The following ADAMTS17 variants were observed in gnomAD, a reference collection of about 807,000 sequenced individuals.
ADAMTS17 encodes ADAM metallopeptidase with thrombospondin type 1 motif 17.
ADAMTS17 carries 113 observed loss-of-function variants against 141.5 expected under a neutral mutation model. That is an observed-to-expected ratio of 0.80 (90% confidence interval 0.69 to 0.93). The LOEUF is 0.93. Ranked by LOEUF, ADAMTS17 falls within the 40% of genes least tolerant of loss-of-function variation. The probability of loss-of-function intolerance (pLI) is 0.00; values close to 1 mark genes in which losing one functional copy is unlikely to be tolerated. For synonymous variants in ADAMTS17, 768 were observed against 630.6 expected (o/e 1.22, Z -3.27); for missense variants, 1,659 against 1,517.9 (o/e 1.09, Z -1.54).
At chr15:100,216,793 A>C (rs1198529968) in intron 7 of ADAMTS17, among the ~76,000 whole-genome samples, 3 of 152,186 alleles carry the variant, frequency 2.0e-5, no homozygotes, top group Non-Finnish European at 4.4e-5. Flanking sequence ...GGGAAAGAGA[A>C]CTCTTCACAA....
intron 15 of ADAMTS17, among the ~76,000 whole-genome samples, chr15:100,085,238 G>T (rs1412318161): frequency 6.6e-6 from 1 of 152,126 alleles, no homozygotes; most frequent in African/African-American, 2.4e-5. Flanking sequence ...GGAAGAAAGG[G>T]TATCAGCGAT....
Position 100,109,007 on chromosome 15 carries a change from G to A in ADAMTS17, c.1998C>T (p.Cys666=), listed in dbSNP as rs770257592. ...TPCGPYETDL[C]VHGKCQKIGC... ...ACGTCACCTGGCACTTGCCGTGCAC[G>A]CAGAGATCAGTCTCGTAGGGCCCGC... The change falls in exon 14 of 22, where the codon TGC becomes TGT. Residue 666 remains cysteine (C), a synonymous_variant. Transcript: ENST00000268070. The A allele has an allele frequency of 9.9e-6, 16 of 1,613,922 alleles. No homozygotes were observed. Among genetic ancestry groups the A allele is most frequent in the East Asian group, 4.5e-5 (2 of 44,884 alleles).
At chr15:100,104,122 G>C (rs1437678289) in intron 14 of ADAMTS17, among the ~76,000 whole-genome samples, 3 of 152,136 alleles carry the variant, frequency 2.0e-5, no homozygotes, top group Admixed American at 6.5e-5. Context: ...GGTACATCTG[G>C]GTCTGTCCAT....
At chr15:100,139,253 G>A (rs868684484) in intron 10 of ADAMTS17, among the ~76,000 whole-genome samples, 7 of 152,144 alleles carry the variant, frequency 4.6e-5, no homozygotes, top group African/African-American at 1.4e-4. Context: ...TATCAGGGGC[G>A]ACTTAGCTCA....
chr15:100,033,967 T>C (rs1191318616), intron 18 of ADAMTS17, among the ~76,000 whole-genome samples: 1 of 152,214 alleles, frequency 6.6e-6, no homozygotes, highest in East Asian at 1.9e-4. Context: ...GGACAGCAGT[T>C]TGATTGGCAG....
At chr15:100,035,433 G>A (rs2030613106) in intron 18 of ADAMTS17, among the ~76,000 whole-genome samples, 1 of 152,192 alleles carries the variant, frequency 6.6e-6, no homozygotes, top group Non-Finnish European at 1.5e-5. Flanking sequence ...AAGGGATCCT[G>A]GCCACGACTT....
intron 13 of ADAMTS17, among the ~76,000 whole-genome samples, chr15:100,109,848 G>A (rs2036641895): frequency 6.6e-6 from 1 of 152,038 alleles, no homozygotes; most frequent in Admixed American, 6.6e-5. Flanking sequence ...TACTGCCCTG[G>A]AAGCTTCCAC....
chr15:100,020,880 G>C (rs1256694195), intron 18 of ADAMTS17, among the ~76,000 whole-genome samples: 1 of 152,156 alleles, frequency 6.6e-6, no homozygotes, highest in Admixed American at 6.5e-5. Flanking sequence ...CTTTAGTACA[G>C]ATGACAGCTT....
intron 7 of ADAMTS17, among the ~76,000 whole-genome samples, chr15:100,205,829 A>G (rs1307380840): frequency 6.6e-6 from 1 of 152,220 alleles, no homozygotes; most frequent in Admixed American, 6.5e-5. Context: ...TAGAAAGGTG[A>G]GCAGGGATGT....
intron 8 of ADAMTS17, among the ~76,000 whole-genome samples, chr15:100,193,231 A>C (rs111865548): frequency 6.6e-6 from 1 of 152,020 alleles, no homozygotes; most frequent in Non-Finnish European, 1.5e-5. Context: ...AGGTCACTTT[A>C]CGCTTTGCGC....
intron 13 of ADAMTS17, 28 bp from the exon 14 acceptor site, chr15:100,109,144 G>C (rs768831844): frequency 6.3e-7 from 1 of 1,589,708 alleles, no homozygotes; most frequent in Non-Finnish European, 8.6e-7. Flanking sequence ...GGAGGACGTT[G>C]ACACGGGAAG....
intron 18 of ADAMTS17, among the ~76,000 whole-genome samples, chr15:100,040,410 G>A (rs2031142523): frequency 6.6e-6 from 1 of 152,166 alleles, no homozygotes; most frequent in African/African-American, 2.4e-5. Context: ...TGTTCTTTCA[G>A]TATTCCTCAG....
chr15:100,263,107 G>T (rs1004949765), intron 4 of ADAMTS17, among the ~76,000 whole-genome samples: 1 of 152,136 alleles, frequency 6.6e-6, no homozygotes, highest in African/African-American at 2.4e-5. Context: ...AAAAAAGAAG[G>T]GGCAGAAGGT....
At chr15:100,254,203 C>CA in intron 6 of ADAMTS17, 24 bp from the exon 7 acceptor site, 1 of 1,603,118 alleles carries the variant, frequency 6.2e-7, no homozygotes. Flanking sequence ...AAGCCATCAT[C>CA]AGGTATATGC....
intron 6 of ADAMTS17, among the ~76,000 whole-genome samples, chr15:100,258,049 CTCCT>C (rs1276464476): frequency 6.6e-6 from 1 of 152,236 alleles, no homozygotes; most frequent in Non-Finnish European, 1.5e-5. Context: ...GTGTCACAAT[CTCCT>C]TCCTTTTTAA....
At chr15:100,164,973 G>T (rs2039889868) in intron 8 of ADAMTS17, among the ~76,000 whole-genome samples, 1 of 152,142 alleles carries the variant, frequency 6.6e-6, no homozygotes, top group South Asian at 2.1e-4. Context: ...GAAGATGGTG[G>T]CCTAGGGCAC....
chr15:99,980,977 C>T (rs897211711), intron 20 of ADAMTS17, among the ~76,000 whole-genome samples: 2 of 152,224 alleles, frequency 1.3e-5, no homozygotes, highest in South Asian at 2.1e-4. Flanking sequence ...TAGGCCTCCA[C>T]GGCAGCACGG....
intron 3 of ADAMTS17, among the ~76,000 whole-genome samples, chr15:100,317,926 G>A (rs566667141): frequency 5.3e-5 from 8 of 152,230 alleles, no homozygotes; most frequent in African/African-American, 7.2e-5. Flanking sequence ...AGGCTGAAGC[G>A]GCCAAGAGCA....
chr15:100,153,671 G>A (rs1026980348), intron 9 of ADAMTS17, among the ~76,000 whole-genome samples: 1 of 151,968 alleles, frequency 6.6e-6, no homozygotes, highest in East Asian at 1.9e-4. Flanking sequence ...TAAGTGAACT[G>A]GGGATTGCGA....
Sources: gnomAD v4.1 joint callset for allele counts (sites outside exome capture counted in the v4.1 genomes callset) on GRCh38, gnomAD v4.1.1 for gene constraint, MANE v1.5 for transcripts, NCBI Gene and HGNC (gene_info 2026-07-23, HGNC 2026-07-21) for gene names.